The following FSBP variants were observed in gnomAD, a reference collection of about 807,000 sequenced individuals.
FSBP encodes fibrinogen silencer-binding protein.
Under a neutral mutation model 24.6 loss-of-function variants are expected in FSBP, and 18 were observed. That is an observed-to-expected ratio of 0.73 (90% confidence interval 0.51 to 1.08). The LOEUF (loss-of-function observed/expected upper bound fraction) is 1.08, where lower values mean the gene tolerates loss of function less well. Ranked by LOEUF, FSBP falls within the 50% of genes least tolerant of loss-of-function variation. The probability of loss-of-function intolerance (pLI) is 0.00; values close to 1 mark genes in which losing one functional copy is unlikely to be tolerated. For missense variants in FSBP, 305 were observed against 347.6 expected, an observed-to-expected ratio of 0.88 and a Z score of 0.98; for synonymous variants, 110 against 125.8, an observed-to-expected ratio of 0.87 and a Z score of 0.84.
Position 94,432,602 on chromosome 8 carries a change from C to T in FSBP, c.429G>A (p.Leu143=). The T allele has an allele frequency of 6.5e-7, 1 of 1,549,722 alleles. No homozygotes were observed. The highest frequency in any genetic ancestry group is 8.7e-7 in the Non-Finnish European group (1 of 1,146,604). The change falls in exon 2 of 2, where the codon TTG becomes TTA. Residue 143 remains leucine (L), a synonymous_variant. Coordinates refer to ENST00000481490, the MANE Select transcript of FSBP (RefSeq NM_001256141.2). ...QAGTSSLQVM[L]DHHPVAITVE... The stretch of plus-strand genomic sequence containing the variant: ...CTGTAATAGCAACAGGATGGTGATC[C>T]AACATTACCTGTAGTGAACTGGTAC...
chr8:94,431,304 C>G lies in FSBP; in HGVS notation c.*827G>C. ...AAGACATGTCTTTAAATCACACAGC[C>G]AAAATATATAATAGCTTCAATGGAA... On this transcript the variant is annotated 3_prime_UTR_variant, in exon 2 of 2. Transcript: ENST00000481490. The G allele has an allele frequency of 2.0e-6, 2 of 977,782 alleles. No homozygotes were observed. Among genetic ancestry groups the G allele is most frequent in the Non-Finnish European group, 2.4e-6 (2 of 823,098 alleles). The allele number at this position is 977,782 out of a possible 1,614,324, so 60.6% of individuals were successfully genotyped here.
In FSBP at chr8:94,427,769, A is replaced by G. The variant is rs1186354858; in HGVS notation, c.*4362T>C. ...ACATGTGTTAACAAAGCATTTAACCATCATTATCTACAGTATATATTAAAC... is the reference window on the plus strand; with the variant it reads ...ACATGTGTTAACAAAGCATTTAACCGTCATTATCTACAGTATATATTAAAC... On this transcript the variant is annotated 3_prime_UTR_variant, in exon 2 of 2. Transcript: ENST00000481490. The G allele has an allele frequency of 1.0e-6, 1 of 965,282 alleles. No homozygotes were observed. The highest frequency in any genetic ancestry group is 1.8e-5 in the African/African-American group (1 of 56,746). 59.8% of individuals were successfully genotyped at this position (965,282 alleles called of 1,614,324 possible). A position where few individuals can be genotyped will look rare whatever the true frequency, so the allele number is the denominator to read the frequency against.
At position 94,429,795 on chromosome 8, in the gene FSBP, T is replaced by G. The variant is rs772316467; in HGVS notation, c.*2336A>C. The G allele has an allele frequency of 2.8e-5, 28 of 985,260 alleles. No homozygotes were observed. The highest frequency in any genetic ancestry group is 3.0e-5 in the Non-Finnish European group (25 of 829,884). 61.0% of individuals were successfully genotyped at this position (985,260 alleles called of 1,614,324 possible). Reference sequence around the variant, plus strand: ...ACTCTACCAGCTATAAAACACCCTCTTTTTAATCCAACCAATGAAATTAAG... The same window carrying G: ...ACTCTACCAGCTATAAAACACCCTCGTTTTAATCCAACCAATGAAATTAAG... On this transcript the variant is annotated 3_prime_UTR_variant, in exon 2 of 2. Transcript: ENST00000481490.
intron 1 of FSBP, among the ~76,000 whole-genome samples, chr8:94,434,123 C>T (rs1355440725): frequency 6.6e-6 from 1 of 151,760 alleles, no homozygotes. Context: ...AGCTCTGCTT[C>T]TATTAATAGC....
chr8:94,434,444 G>A (rs775609489), intron 1 of FSBP, among the ~76,000 whole-genome samples: 5 of 151,834 alleles, frequency 3.3e-5, no homozygotes, highest in Non-Finnish European at 5.9e-5. Flanking sequence ...AATATAAACT[G>A]ATATTAGGAA....
rs1247876372 is a variant in FSBP, at chr8:94,430,444, G to A, written c.*1687C>T. 8.1e-6 allele frequency: 8 copies of A among 984,962 alleles called. No individual in the cohort carries two copies. The East Asian group carries it at 5.7e-4, about 70-fold the overall frequency. The allele number at this position is 984,962 out of a possible 1,614,324, so 61.0% of individuals were successfully genotyped here. A position where few individuals can be genotyped will look rare whatever the true frequency, so the allele number is the denominator to read the frequency against. ...GACTAGTATGATTTAGGCACCAAGCGAGGTTCCAAAATACTCTGTTTCACT... is the reference window on the plus strand; with the variant it reads ...GACTAGTATGATTTAGGCACCAAGCAAGGTTCCAAAATACTCTGTTTCACT... On this transcript the variant is annotated 3_prime_UTR_variant, in exon 2 of 2. Transcript: ENST00000481490.
intron 1 of FSBP, among the ~76,000 whole-genome samples, chr8:94,433,277 G>C (rs2930962): frequency 0.41 from 61,807 of 151,834 alleles, 12,739 homozygotes; most frequent in Admixed American, 0.51. Flanking sequence ...AAAAACTTCC[G>C]TTTTACCTAT....
rs892758290 is a variant in FSBP at position 94,428,151 on chromosome 8, A to G, written c.*3980T>C. 3.5e-6 allele frequency: 3 copies of G among 850,182 alleles called. No homozygotes were observed. Among genetic ancestry groups the G allele is most frequent in the African/African-American group, 3.7e-5 (2 of 54,454 alleles). 52.7% of individuals were successfully genotyped at this position (850,182 alleles called of 1,614,324 possible). ...AAAGATAGGAAAGTGGCTATCCACT[A>G]TCTAAATTACTAATATATTGGATGA... On this transcript the variant is annotated 3_prime_UTR_variant, in exon 2 of 2. Transcript: ENST00000481490.
chr8:94,432,485 A>G lies in FSBP; in HGVS notation c.546T>C (p.His182=), dbSNP rs1290240669. The G allele has an allele frequency of 1.2e-5, 18 of 1,550,426 alleles. No homozygotes were observed. Among genetic ancestry groups the G allele is most frequent in the Non-Finnish European group, 1.4e-5 (16 of 1,146,872 alleles). ...QSDTLEQREE[H]ELVHVMERSL... ...ATCTTTCCATAACATGTACTAATTC[A>G]TGTTCTTCTCTTTGCTCTAAAGTAT... Residue 182 remains histidine (H), a synonymous_variant, in exon 2 of 2, where the codon CAT becomes CAC. Transcript: ENST00000481490.
chr8:94,429,606 T>C lies in FSBP; in HGVS notation c.*2525A>G. 9.2e-6 allele frequency: 9 copies of C among 983,248 alleles called. No individual in the cohort carries two copies. The highest frequency in any genetic ancestry group is 1.1e-5 in the Non-Finnish European group (9 of 827,946). 60.9% of individuals were successfully genotyped at this position (983,248 alleles called of 1,614,324 possible). ...AAAATAAAGCTTACTACTGCCAAGA[T>C]GTGTTTACTAGAATTATACTGGGAA... On this transcript the variant is annotated 3_prime_UTR_variant, in exon 2 of 2. Transcript: ENST00000481490.
chr8:94,431,271 A>C lies in FSBP; in HGVS notation c.*860T>G, dbSNP rs1232553897. Reference sequence around the variant, plus strand: ...ATTTTTTCCAGAACAGGACATTCAAAATGAATTAAGACATGTCTTTAAATC... The same window carrying C: ...ATTTTTTCCAGAACAGGACATTCAACATGAATTAAGACATGTCTTTAAATC... On this transcript the variant is annotated 3_prime_UTR_variant, in exon 2 of 2. Coordinates refer to ENST00000481490, the MANE Select transcript of FSBP (RefSeq NM_001256141.2). 1 of 970,080 alleles carries C rather than the reference A, an allele frequency of 1.0e-6. No individual in the cohort carries two copies. 60.1% of individuals were successfully genotyped at this position (970,080 alleles called of 1,614,324 possible).
rs1432566345 is a variant in FSBP, at chr8:94,428,730, G to A, written c.*3401C>T. On this transcript the variant is annotated 3_prime_UTR_variant, in exon 2 of 2. Transcript: ENST00000481490. ...GTGAAACCTGCAGATAGAAAGCCAA[G>A]TGTACATTCCATTGTACTAGCAAAC... 1 of 980,346 alleles carries A rather than the reference G, an allele frequency of 1.0e-6. No homozygotes were observed. The highest frequency in any genetic ancestry group is 1.2e-6 in the Non-Finnish European group (1 of 825,536). The allele number at this position is 980,346 out of a possible 1,614,324, so 60.7% of individuals were successfully genotyped here.
Position 94,432,635 on chromosome 8 carries a change from T to C in FSBP, c.396A>G (p.Ala132=), listed in dbSNP as rs1406844093. The C allele has an allele frequency of 6.5e-7, 1 of 1,538,144 alleles. No homozygotes were observed. Among genetic ancestry groups the C allele is most frequent in the Admixed American group, 2.0e-5 (1 of 49,698 alleles). The change falls in exon 2 of 2, where the codon GCA becomes GCG. Residue 132 remains alanine, a synonymous_variant. Coordinates refer to ENST00000481490, the MANE Select transcript of FSBP (RefSeq NM_001256141.2). ...CCTGTAGTGAACTGGTACCAGCCTG[T>C]GCCTCCTCATCCAAGTTTGCACTAT... The part of the protein sequence containing the change: ...HIQSANLDEE[A]QAGTSSLQVM...
chr8:94,433,532 C>G (rs1230089752), intron 1 of FSBP, among the ~76,000 whole-genome samples: 1 of 151,944 alleles, frequency 6.6e-6, no homozygotes, highest in Non-Finnish European at 1.5e-5. Flanking sequence ...CACATAATTT[C>G]CACCAAATAT....
Position 94,436,865 on chromosome 8 carries a change from C to T in FSBP, c.4G>A (p.Val2Ile). 6.6e-7 allele frequency: 1 copy of T among 1,514,296 alleles called. No individual in the cohort carries two copies. The allele number at this position is 1,514,296 out of a possible 1,614,324, so 93.8% of individuals were successfully genotyped here. A position where few individuals can be genotyped will look rare whatever the true frequency, so the allele number is the denominator to read the frequency against. The change falls in exon 1 of 2, where the codon GTA becomes ATA. Residue 2 changes from valine (V) to isoleucine (I), a missense_variant. Physicochemically the swap from Val to Ile is conservative, Grantham distance 29. Transcript: ENST00000481490. M[V>I]GKARSSNFTL... ...AAATTGGAAGATCTAGCCTTTCCTACCATTGTTCTTTTCAAATTAAGTAGG... is the reference window on the plus strand; with the variant it reads ...AAATTGGAAGATCTAGCCTTTCCTATCATTGTTCTTTTCAAATTAAGTAGG...
Position 94,430,627 on chromosome 8 carries a change from A to ACAATGGAGTAGAC in FSBP, c.*1503_*1504insGTCTACTCCATTG. 2 of 610,048 alleles carry ACAATGGAGTAGAC rather than the reference A, an allele frequency of 3.3e-6. No individual in the cohort carries two copies. Among genetic ancestry groups the ACAATGGAGTAGAC allele is most frequent in the Non-Finnish European group, 4.1e-6 (2 of 487,818 alleles). The allele number at this position is 610,048 out of a possible 1,614,324, so 37.8% of individuals were successfully genotyped here. The stretch of plus-strand genomic sequence containing the variant: ...GCTGGTCAGGACCCATACTTGGAAA[A>ACAATGGAGTAGAC]CCATTGGTCTACTCCAAAGGCCACA... On this transcript the variant is annotated 3_prime_UTR_variant, in exon 2 of 2. Transcript: ENST00000481490.
Position 94,432,130 on chromosome 8 carries a change from C to A in FSBP, c.*1G>T, listed in dbSNP as rs2130104545. The A allele has an allele frequency of 6.6e-7, 1 of 1,519,290 alleles. No individual in the cohort carries two copies. The highest frequency in any genetic ancestry group is 8.8e-7 in the Non-Finnish European group (1 of 1,135,208). 94.1% of individuals were successfully genotyped at this position (1,519,290 alleles called of 1,614,324 possible). On this transcript the variant is annotated 3_prime_UTR_variant, in exon 2 of 2. Coordinates refer to ENST00000481490, the MANE Select transcript of FSBP (RefSeq NM_001256141.2). ...TCAAATTGCAAGATTGAAAAAAAAA[C>A]TTAGAGACTGTTATATTCAGGTAGA...
rs1201028736 is a variant in FSBP, at chr8:94,428,014, T to G, written c.*4117A>C. 2 of 931,608 alleles carry G rather than the reference T, an allele frequency of 2.1e-6. No individual in the cohort carries two copies. Among genetic ancestry groups the G allele is most frequent in the Non-Finnish European group, 1.3e-6 (1 of 781,232 alleles). 57.7% of individuals were successfully genotyped at this position (931,608 alleles called of 1,614,324 possible). The stretch of plus-strand genomic sequence containing the variant: ...CTTGACTATTTTAAGAAATCTGGTA[T>G]TCGTTAGAAATGAGTTTCACTGACT... On this transcript the variant is annotated 3_prime_UTR_variant, in exon 2 of 2. Transcript: ENST00000481490.
At position 94,431,171 on chromosome 8, in the gene FSBP, G is replaced by A; in HGVS notation, c.*960C>T. On this transcript the variant is annotated 3_prime_UTR_variant, in exon 2 of 2. Transcript: ENST00000481490. The stretch of plus-strand genomic sequence containing the variant: ...TTAAGAATTGAGGTTTTATTTCCAT[G>A]AATACTAAAATAACAATACTTATAA... 1.1e-6 allele frequency: 1 copy of A among 912,678 alleles called. No homozygotes were observed. Among genetic ancestry groups the A allele is most frequent in the Non-Finnish European group, 1.3e-6 (1 of 764,028 alleles). The allele number at this position is 912,678 out of a possible 1,614,324, so 56.5% of individuals were successfully genotyped here.
Sources: gnomAD v4.1 joint callset for allele counts (sites outside exome capture counted in the v4.1 genomes callset) on GRCh38, gnomAD v4.1.1 for gene constraint, MANE v1.5 for transcripts, NCBI Gene and HGNC (gene_info 2026-07-23, HGNC 2026-07-21) for gene names.